TBCD: variants seen among roughly 807,000 people sequenced by gnomAD.
The protein encoded by TBCD is tubulin-specific chaperone D.
TBCD carries 105 observed loss-of-function variants against 169.3 expected under a neutral mutation model. That is an observed-to-expected ratio of 0.62 (90% confidence interval 0.53 to 0.73). The LOEUF (loss-of-function observed/expected upper bound fraction) is 0.73. Ranked by LOEUF, TBCD falls within the 30% of genes least tolerant of loss-of-function variation. The probability of loss-of-function intolerance (pLI) is 0.00; values close to 1 mark genes in which losing one functional copy is unlikely to be tolerated. For synonymous variants in TBCD, 700 were observed against 643.9 expected, an observed-to-expected ratio of 1.09 and a Z score of -1.32; for missense variants, 1,444 against 1,600.1, an observed-to-expected ratio of 0.90 and a Z score of 1.66.
Position 82,929,082 on chromosome 17 carries a change from C to T in TBCD, c.2694-31C>T, listed in dbSNP as rs373082459. On this transcript the variant is annotated intron_variant, in intron 30 of 38. Coordinates refer to ENST00000355528, the MANE Select transcript of TBCD (RefSeq NM_005993.5). ...CGCCCGCTCTTAATTTACCGCCCGC[C>T]CTTGGTTTACCTCCTGCTCTCGGTT... is the stretch of plus-strand genomic sequence containing the variant. 5.0e-6 allele frequency: 8 copies of T among 1,595,150 alleles called. No homozygotes were observed. In the African/African-American group the frequency reaches 1.1e-4, roughly 21 times the overall value.
intron 12 of TBCD, 128 bp downstream of exon 12, chr17:82,809,910 C>T (rs1176245282): frequency 2.5e-6 from 2 of 798,872 alleles, no homozygotes; most frequent in Non-Finnish European, 4.0e-6. Flanking sequence ...TCTTTTTTCC[C>T]CCTTTTGAAG....
At chr17:82,916,826 C>T (rs996650103) in intron 23 of TBCD, among the ~76,000 whole-genome samples, 2 of 151,980 alleles carry the variant, frequency 1.3e-5, no homozygotes, top group African/African-American at 4.8e-5. Context: ...TCTGTATTTT[C>T]TGTCGATGTT....
intron 29 of TBCD, 107 bp downstream of exon 29, chr17:82,927,430 G>A (rs2061847313): frequency 2.1e-6 from 3 of 1,428,594 alleles, no homozygotes; most frequent in East Asian, 2.5e-5. Flanking sequence ...GTAGATTTGT[G>A]CCGTGTTTTG....
chr17:82,917,245 C>A (rs2061115004), intron 23 of TBCD, among the ~76,000 whole-genome samples: 1 of 152,082 alleles, frequency 6.6e-6, no homozygotes, highest in Non-Finnish European at 1.5e-5. Flanking sequence ...GTCTCGATCT[C>A]TTGACCTTGT....
intron 26 of TBCD, 75 bp from the exon 27 acceptor site, chr17:82,924,864 T>A: frequency 8.1e-7 from 1 of 1,228,898 alleles, no homozygotes; most frequent in South Asian, 1.4e-5. Flanking sequence ...TGCTCCTGTT[T>A]GGGGCACACG....
chr17:82,848,598 A>C lies in TBCD; in HGVS notation c.1319-21626A>C, dbSNP rs538582151. 2.0e-5 allele frequency among the ~76,000 whole-genome samples: 3 copies of C among 152,358 alleles called. No homozygotes were observed. In the East Asian group the frequency reaches 5.8e-4, roughly 29 times the overall value. On this transcript the variant is annotated intron_variant, in intron 13 of 38. Coordinates refer to ENST00000355528, the MANE Select transcript of TBCD (RefSeq NM_005993.5). ...ATTCAGAGGGTGCCTCTACATGCAC[A>C]GCAGCCAGGTACAGAAGTCATGAGT...
chr17:82,923,652 GA>G lies in TBCD; in HGVS notation c.2180del (p.Asp727ValfsTer16). ...GCTCACCGTGCTGCCTTTGTTTTAG[GA>G]TGCAGCAGTCTCGGCCCTGGCTGCT... ...ISSHSRQQMK[D>X]AAVSALAALC... On this transcript the variant is annotated frameshift_variant and splice_region_variant, in exon 26 of 39. Transcript: ENST00000355528. LOFTEE classifies it high-confidence loss of function. This position sits in a 1 kb window ranked among gnomAD's most constrained non-coding sequence, Gnocchi z 4.6. The G allele has an allele frequency of 6.4e-7, 1 of 1,571,932 alleles. No homozygotes were observed. Among genetic ancestry groups the G allele is most frequent in the Non-Finnish European group, 8.6e-7 (1 of 1,157,874 alleles).
At chr17:82,854,797 C>T (rs1047834114) in intron 13 of TBCD, among the ~76,000 whole-genome samples, 2 of 152,182 alleles carry the variant, frequency 1.3e-5, no homozygotes, top group Non-Finnish European at 2.9e-5. Flanking sequence ...CACAAAGCTA[C>T]ACGTGAAATT....
intron 13 of TBCD, among the ~76,000 whole-genome samples, chr17:82,852,053 G>A (rs191701223): frequency 1.3e-5 from 2 of 152,134 alleles, no homozygotes; most frequent in East Asian, 1.9e-4. Flanking sequence ...TCAGTGGCTT[G>A]TAACGCATTT....
At chr17:82,938,234 C>G in intron 36 of TBCD, 98 bp downstream of exon 36, 1 of 1,363,262 alleles carries the variant, frequency 7.3e-7, no homozygotes, top group Non-Finnish European at 1.0e-6. Context: ...GGTGTGCTTT[C>G]CAGCCGAGCC....
chr17:82,917,668 A>G (rs2061147913), intron 23 of TBCD, among the ~76,000 whole-genome samples: 1 of 152,222 alleles, frequency 6.6e-6, no homozygotes, highest in Admixed American at 6.5e-5. Context: ...TTTGGGACGT[A>G]GGAGGGGTCC....
At chr17:82,885,120 G>C (rs1223121954) in intron 15 of TBCD, among the ~76,000 whole-genome samples, 3 of 152,128 alleles carry the variant, frequency 2.0e-5, no homozygotes, top group Non-Finnish European at 2.9e-5. Context: ...TGTCAGACTT[G>C]GGGGCCAGTG....
intron 6 of TBCD, among the ~76,000 whole-genome samples, chr17:82,779,899 C>T (rs2048835794): frequency 6.6e-6 from 1 of 152,196 alleles, no homozygotes. Context: ...GACTCTTCCG[C>T]CTCCTGGCCC....
chr17:82,752,230 G>A lies in TBCD; in HGVS notation c.37G>A (p.Glu13Lys), dbSNP rs1411439196. Residue 13 changes from glutamate to lysine, a missense_variant, in exon 1 of 39, where the codon GAG (glutamate) becomes AAG (lysine). Transcript: ENST00000355528. ...CGACGAACCGGCCGCGGGCGGCCCC[G>A]AGGAGGAGGCGGAGGACGAGACACT... The part of the protein sequence containing the change: ...LSDEPAAGGP[E>K]EEAEDETLAF... The A allele has an allele frequency of 2.0e-6, 3 of 1,526,724 alleles. No individual in the cohort carries two copies. Among genetic ancestry groups the A allele is most frequent in the Admixed American group, 4.0e-5 (2 of 49,584 alleles). 94.6% of individuals were successfully genotyped at this position (1,526,724 alleles called of 1,614,324 possible).
In TBCD at chr17:82,832,505, C is replaced by G; in HGVS notation, c.1318+17571C>G. On this transcript the variant is annotated intron_variant, in intron 13 of 38. Coordinates refer to ENST00000355528, the MANE Select transcript of TBCD (RefSeq NM_005993.5). This position sits in a 1 kb window ranked among gnomAD's most constrained non-coding sequence, Gnocchi z 4.9. ...GCTGTCCAGGTGGCGTGATCACTGT[C>G]GACGCCGCGTGCACTTCGTGGTTTC... is the stretch of plus-strand genomic sequence containing the variant. 1 of 1,526,526 alleles carries G rather than the reference C, an allele frequency of 6.6e-7. No homozygotes were observed. Among genetic ancestry groups the G allele is most frequent in the Non-Finnish European group, 9.0e-7 (1 of 1,112,440 alleles). 94.6% of individuals were successfully genotyped at this position (1,526,526 alleles called of 1,614,324 possible). A position where few individuals can be genotyped will look rare whatever the true frequency, so the allele number is the denominator to read the frequency against.
intron 9 of TBCD, among the ~76,000 whole-genome samples, chr17:82,804,001 G>C (rs1351676805): frequency 7.4e-6 from 1 of 134,758 alleles, no homozygotes; most frequent in Non-Finnish European, 1.6e-5. Context: ...TTAGGGGAGA[G>C]TGGGGGCCGG....
Position 82,920,535 on chromosome 17 carries a change from C to CT in TBCD, c.2039-21_2039-20insT, listed in dbSNP as rs2061355913. 2 of 1,500,662 alleles carry CT rather than the reference C, an allele frequency of 1.3e-6. No homozygotes were observed. The highest frequency in any genetic ancestry group is 1.2e-5 in the South Asian group (1 of 80,156). The allele number at this position is 1,500,662 out of a possible 1,614,324, so 93.0% of individuals were successfully genotyped here. On this transcript the variant is annotated intron_variant, in intron 23 of 38. Transcript: ENST00000355528. This position sits in a 1 kb window ranked among gnomAD's most constrained non-coding sequence, Gnocchi z 4.1. ...TTTAGAAAAGTAACATTGCGTCTAT[C>CT]CTTTTTTTTTTTTTTTCCAGTGTGT...
intron 11 of TBCD, 54 bp from the exon 12 acceptor site, chr17:82,809,654 C>T: frequency 2.5e-6 from 4 of 1,574,674 alleles, no homozygotes; most frequent in Non-Finnish European, 3.5e-6. Flanking sequence ...GTCACGCATG[C>T]CCTTGGCGAC....
At chr17:82,844,282 T>C (rs1598877444) in intron 13 of TBCD, among the ~76,000 whole-genome samples, 2 of 146,932 alleles carry the variant, frequency 1.4e-5, no homozygotes, top group East Asian at 4.2e-4. Flanking sequence ...GGACTTGAAC[T>C]CCGGGTCTCA....
Sources: gnomAD v4.1 joint callset for allele counts (sites outside exome capture counted in the v4.1 genomes callset) on GRCh38, gnomAD v4.1.1 for gene constraint, Gnocchi (gnomAD v3.1) non-coding constraint, MANE v1.5 for transcripts, NCBI Gene and HGNC (gene_info 2026-07-23, HGNC 2026-07-21) for gene names.